The following RYK variants were observed in gnomAD, a reference collection of about 807,000 sequenced individuals.
The protein encoded by RYK is inactive tyrosine-protein kinase RYK.
A neutral mutation model predicts 70.2 loss-of-function variants in RYK; 21 were observed. That is an observed-to-expected ratio of 0.30 (90% confidence interval 0.21 to 0.43). The LOEUF is 0.43. RYK is among the 20% of genes least tolerant of loss of function. The probability of loss-of-function intolerance (pLI) is 1.00; values close to 1 mark genes in which losing one functional copy is unlikely to be tolerated. For synonymous variants in RYK, 267 were observed against 278.0 expected, an observed-to-expected ratio of 0.96 and a Z score of 0.39; for missense variants, 604 against 753.3, an observed-to-expected ratio of 0.80 and a Z score of 2.32.
chr3:134,174,802 T>C (rs1042265948), intron 13 of RYK, among the ~76,000 whole-genome samples: 6 of 152,182 alleles, frequency 3.9e-5, no homozygotes, highest in African/African-American at 1.2e-4. Flanking sequence ...TCTGGCTAAG[T>C]GGCAAAACCA....
At chr3:134,173,496 C>A (rs899911603) in intron 13 of RYK, among the ~76,000 whole-genome samples, 1 of 152,108 alleles carries the variant, frequency 6.6e-6, no homozygotes, top group Non-Finnish European at 1.5e-5. Context: ...AGGAAACTTA[C>A]AATCATGACG....
intron 6 of RYK, 184 bp from the exon 7 acceptor site, chr3:134,195,366 T>C: frequency 2.0e-6 from 1 of 488,522 alleles, no homozygotes; most frequent in Non-Finnish European, 3.6e-6. Context: ...TATTTTTTCT[T>C]TCATTTCTAT....
At chr3:134,218,489 A>G (rs1327016900) in intron 2 of RYK, among the ~76,000 whole-genome samples, 1 of 152,256 alleles carries the variant, frequency 6.6e-6, no homozygotes, top group Non-Finnish European at 1.5e-5. Flanking sequence ...CAGCTGGAGA[A>G]GAGGTGACAA....
rs148291878 is a variant in RYK at position 134,176,306 on chromosome 3, A to AG, written c.1306-268dup. Among the ~76,000 whole-genome samples, 18 of 152,354 alleles carry AG rather than the reference A, an allele frequency of 1.2e-4. 1 individual carries two copies. The East Asian group carries it at 3.5e-3, about 29-fold the overall frequency. ...TATCTCCCCAATATCCAGCACACACAGCAGCTGCTCAATACATCTGTTCAG... is the reference window on the plus strand; with the variant it reads ...TATCTCCCCAATATCCAGCACACACAGGCAGCTGCTCAATACATCTGTTCAG... On this transcript the variant is annotated intron_variant, in intron 11 of 14. Transcript: ENST00000623711.
intron 7 of RYK, 112 bp downstream of exon 7, chr3:134,194,970 T>G: frequency 1.4e-6 from 1 of 735,598 alleles, no homozygotes; most frequent in Non-Finnish European, 2.3e-6. Flanking sequence ...TTTTGCATAC[T>G]TTAGATACGA....
intron 8 of RYK, among the ~76,000 whole-genome samples, chr3:134,191,140 A>G (rs1009693710): frequency 6.6e-6 from 1 of 152,216 alleles, no homozygotes; most frequent in African/African-American, 2.4e-5. Flanking sequence ...GTAATTCTCT[A>G]TTTAACAACA....
At chr3:134,183,154 T>C in intron 9 of RYK, 83 bp from the exon 10 acceptor site, 2 of 755,070 alleles carry the variant, frequency 2.6e-6, no homozygotes, top group South Asian at 2.4e-5. Context: ...TAAATAATTA[T>C]CTTGAACTAT....
chr3:134,237,502 TTTTAAAGAAAATGATAC>T (rs2107693737), intron 1 of RYK, among the ~76,000 whole-genome samples: 1 of 152,104 alleles, frequency 6.6e-6, no homozygotes, highest in African/African-American at 2.4e-5. Context: ...AGAAAATGGG[TTTTAAAGAAAATGATAC>T]TTTAAAGAAA....
chr3:134,183,394 A>G (rs745790745), intron 9 of RYK: 2 of 162,776 alleles, frequency 1.2e-5, no homozygotes, highest in Non-Finnish European at 2.7e-5. Context: ...TAGCTCATAT[A>G]AATCAATAAG....
Position 134,159,240 on chromosome 3 carries a change from T to G in RYK, c.1709A>C (p.Glu570Ala). The G allele has an allele frequency of 6.2e-7, 1 of 1,613,844 alleles. No homozygotes were observed. Among genetic ancestry groups the G allele is most frequent in the Non-Finnish European group, 8.5e-7 (1 of 1,179,774 alleles). ...RIAQPINCPD[E>A]LFAVMACCWA... ...CTTCAAGCTCAAAAAAACTCACAAT[T>G]CATCAGGACAGTTGATTGGCTGGGC... Residue 570 changes from glutamate to alanine, a missense_variant, in exon 14 of 15, where the codon GAA (glutamate) becomes GCA (alanine). Around this residue, in one of 2 missense-constraint regions of RYK, gnomAD observed 138 missense variants for 217.4 expected, o/e 0.63. Transcript: ENST00000623711.
intron 1 of RYK, among the ~76,000 whole-genome samples, chr3:134,245,651 C>T (rs909655241): frequency 1.3e-5 from 2 of 152,070 alleles, no homozygotes; most frequent in Non-Finnish European, 2.9e-5. Context: ...TCTGAAGAAA[C>T]TGAATCACAG....
chr3:134,199,677 G>C (rs150492054), intron 6 of RYK, among the ~76,000 whole-genome samples: 4 of 152,216 alleles, frequency 2.6e-5, no homozygotes, highest in East Asian at 1.9e-4. Flanking sequence ...AACTGGATGT[G>C]AGCTTTCTGG....
At chr3:134,207,625 G>A in intron 4 of RYK, 100 bp from the exon 5 acceptor site, 7 of 714,432 alleles carry the variant, frequency 9.8e-6, no homozygotes, top group Non-Finnish European at 1.6e-5. Flanking sequence ...TCAGCAACAG[G>A]TATGTGTTGC....
chr3:134,161,090 T>A (rs1559997304), intron 13 of RYK, among the ~76,000 whole-genome samples: 1 of 152,204 alleles, frequency 6.6e-6, no homozygotes. Flanking sequence ...TAGTAACAAC[T>A]GAACATATTC....
intron 12 of RYK, 34 bp from the exon 13 acceptor site, chr3:134,175,802 CAG>C: frequency 6.2e-7 from 1 of 1,610,966 alleles, no homozygotes; most frequent in Admixed American, 1.7e-5. Context: ...CAAATGCAAT[CAG>C]AGTATTAAAA....
intron 1 of RYK, among the ~76,000 whole-genome samples, chr3:134,234,633 C>T (rs1368635103): frequency 1.3e-5 from 2 of 152,078 alleles, no homozygotes; most frequent in African/African-American, 4.8e-5. Context: ...GACAAACTCT[C>T]ATCATATGCA....
intron 3 of RYK, among the ~76,000 whole-genome samples, chr3:134,210,455 C>T (rs1234840967): frequency 1.3e-5 from 2 of 152,096 alleles, no homozygotes; most frequent in East Asian, 3.9e-4. Context: ...ATCATTCTAC[C>T]ATCTGTATGA....
chr3:134,229,837 A>G (rs2015010286), intron 1 of RYK, among the ~76,000 whole-genome samples: 2 of 152,234 alleles, frequency 1.3e-5, no homozygotes, highest in African/African-American at 4.8e-5. Flanking sequence ...TCAGAGAACT[A>G]CAAATGAACA....
rs755369235 is a variant in RYK, at chr3:134,209,845, A to T, written c.455-16T>A. 1 of 1,450,324 alleles carries T rather than the reference A, an allele frequency of 6.9e-7. No individual in the cohort carries two copies. The highest frequency in any genetic ancestry group is 9.1e-7 in the Non-Finnish European group (1 of 1,102,080). 89.8% of individuals were successfully genotyped at this position (1,450,324 alleles called of 1,614,324 possible). ...ACCCGAAACACTGTTTAAAAAAGAT[A>T]AGAAAAATATTTTACATTTTCTAAA... On this transcript the variant is annotated splice_polypyrimidine_tract_variant and intron_variant, in intron 3 of 14. Transcript: ENST00000623711.
Sources: gnomAD v4.1 joint callset for allele counts (sites outside exome capture counted in the v4.1 genomes callset) on GRCh38, gnomAD v4.1.1 for gene constraint, gnomAD v4.1.1 regional missense constraint, MANE v1.5 for transcripts, NCBI Gene and HGNC (gene_info 2026-07-23, HGNC 2026-07-21) for gene names.